EXOSC10: variants seen among roughly 807,000 people sequenced by gnomAD.
EXOSC10 encodes the protein exosome component 10.
EXOSC10 carries 94 observed loss-of-function variants against 126.6 expected under a neutral mutation model. The ratio of observed to expected loss-of-function variants is 0.74; its 90% CI spans 0.63 to 0.88. The LOEUF (loss-of-function observed/expected upper bound fraction) is 0.88, where lower values mean the gene tolerates loss of function less well. Ranked by LOEUF, EXOSC10 falls within the 40% of genes least tolerant of loss-of-function variation. The pLI is 0.00. For synonymous variants in EXOSC10, 395 were observed against 400.8 expected, an observed-to-expected ratio of 0.99 and a Z score of 0.17; for missense variants, 1,041 against 1,100.5, an observed-to-expected ratio of 0.95 and a Z score of 0.77.
Position 11,090,814 on chromosome 1 carries a change from C to T in EXOSC10, c.644-146G>A. ...TCCCCCAGGCTGAAGTGTGGTGGCA[C>T]AAGCACAGCTCACTGTAGCCTTGAC... On this transcript the variant is annotated intron_variant, in intron 5 of 24. Transcript: ENST00000376936. 12 of 818,426 alleles carry T rather than the reference C, an allele frequency of 1.5e-5. No homozygotes were observed. The South Asian group carries it at 2.1e-4, about 14-fold the overall frequency. 50.7% of individuals were successfully genotyped at this position (818,426 alleles called of 1,614,324 possible). A position where few individuals can be genotyped will look rare whatever the true frequency, so the allele number is the denominator to read the frequency against.
chr1:11,099,092 T>C (rs1469036127), intron 1 of EXOSC10, among the ~76,000 whole-genome samples: 1 of 152,242 alleles, frequency 6.6e-6, no homozygotes, highest in African/African-American at 2.4e-5. Flanking sequence ...TTTATAGGGT[T>C]AATTTACAAA....
At chr1:11,082,263 G>A (rs929071293) in intron 10 of EXOSC10, among the ~76,000 whole-genome samples, 6 of 151,820 alleles carry the variant, frequency 4.0e-5, no homozygotes, top group East Asian at 1.9e-4. Context: ...ACAAAAAAAC[G>A]CTCAGTGTAA....
rs1641064126 is a variant in EXOSC10, at chr1:11,096,007, A to G, written c.249-126T>C. 4.7e-6 allele frequency: 5 copies of G among 1,060,454 alleles called. No individual in the cohort carries two copies. The African/African-American group carries it at 6.5e-5, about 14-fold the overall frequency. 65.7% of individuals were successfully genotyped at this position (1,060,454 alleles called of 1,614,324 possible). ...ACACATCTTTTTTTTTTTTTTTGAG[A>G]CAGTCTTGCTCTGTTGCCCAGGCTG... On this transcript the variant is annotated intron_variant, in intron 2 of 24. Transcript: ENST00000376936.
chr1:11,086,942 T>C (rs1052109522), intron 9 of EXOSC10, among the ~76,000 whole-genome samples: 1 of 152,116 alleles, frequency 6.6e-6, no homozygotes, highest in African/African-American at 2.4e-5. Context: ...ATTCAAAAGC[T>C]AGCAGAAGGC....
Position 11,087,313 on chromosome 1 carries a change from A to T in EXOSC10, c.1089+135T>A, listed in dbSNP as rs946466990. 11 of 1,030,492 alleles carry T rather than the reference A, an allele frequency of 1.1e-5. No homozygotes were observed. The African/African-American group carries it at 1.8e-4, about 16-fold the overall frequency. 63.8% of individuals were successfully genotyped at this position (1,030,492 alleles called of 1,614,324 possible). On this transcript the variant is annotated intron_variant, in intron 9 of 24. Transcript: ENST00000376936. ...GATTTAGAAACAAAAGCCATTTAGC[A>T]CTGTACCCTAGTTAGGAAATGACAT...
intron 1 of EXOSC10, among the ~76,000 whole-genome samples, chr1:11,098,888 T>A (rs905253508): frequency 2.1e-4 from 32 of 152,190 alleles, no homozygotes; most frequent in African/African-American, 7.7e-4. Context: ...AATAAACATT[T>A]CCCAAGAAAA....
chr1:11,099,745 G>A lies in EXOSC10; in HGVS notation c.87C>T (p.Phe29=), dbSNP rs1269435304. 6.2e-7 allele frequency: 1 copy of A among 1,610,244 alleles called. No homozygotes were observed. The highest frequency in any genetic ancestry group is 2.3e-5 in the East Asian group (1 of 44,256). ...KSDGEMVLPG[F]PDADSFVKFA... is the part of the protein sequence containing the mutation. ...CCTTCACAAAGCTGTCGGCGTCCGGGAAGCCTGGCAGCACCATCTCTCCGT... is the reference window on the plus strand; with the variant it reads ...CCTTCACAAAGCTGTCGGCGTCCGGAAAGCCTGGCAGCACCATCTCTCCGT... Residue 29 remains phenylalanine, a synonymous_variant, in exon 1 of 25, where the codon TTC becomes TTT. Coordinates refer to ENST00000376936, the MANE Select transcript of EXOSC10 (RefSeq NM_001001998.3).
chr1:11,089,246 T>C (rs1194199736), intron 6 of EXOSC10, among the ~76,000 whole-genome samples: 1 of 135,284 alleles, frequency 7.4e-6, no homozygotes, highest in Non-Finnish European at 1.6e-5. Context: ...AAAAAAAAAG[T>C]GAGCCTTACC....
intron 19 of EXOSC10, chr1:11,072,939 T>C (rs1038780951): frequency 1.3e-5 from 2 of 152,336 alleles, no homozygotes; most frequent in Non-Finnish European, 2.9e-5. Context: ...CTCATAATGC[T>C]GGTAAAAACA....
chr1:11,078,345 C>T (rs1451782196), intron 14 of EXOSC10, among the ~76,000 whole-genome samples: 2 of 151,040 alleles, frequency 1.3e-5, no homozygotes, highest in African/African-American at 2.4e-5. Flanking sequence ...GCAAGCTCCG[C>T]CTCCCGGGTT....
At chr1:11,086,407 G>A (rs914849100) in intron 9 of EXOSC10, among the ~76,000 whole-genome samples, 24 of 152,114 alleles carry the variant, frequency 1.6e-4, no homozygotes, top group South Asian at 2.1e-4. Context: ...GTTTATTTGC[G>A]TAGAGGTGTT....
rs1639254116 is a variant in EXOSC10 at position 11,068,632 on chromosome 1, G to A, written c.2550+13C>T. 6.2e-7 allele frequency: 1 copy of A among 1,612,256 alleles called. No homozygotes were observed. The highest frequency in any genetic ancestry group is 1.1e-5 in the South Asian group (1 of 91,034). On this transcript the variant is annotated intron_variant, in intron 23 of 24. Coordinates refer to ENST00000376936, the MANE Select transcript of EXOSC10 (RefSeq NM_001001998.3). ...CCACCAGCGTGCTAAAATCCTCCAG[G>A]AGCAGTTCTTACCTTGCCAGACGGG...
intron 9 of EXOSC10, among the ~76,000 whole-genome samples, chr1:11,083,101 C>T (rs766825112): frequency 9.9e-5 from 15 of 152,184 alleles, no homozygotes; most frequent in Non-Finnish European, 1.8e-4. Context: ...CAGCGTGCCA[C>T]CACGCCCAGC....
Position 11,070,903 on chromosome 1 carries a change from G to C in EXOSC10, c.2313C>G (p.Val771=). 1 of 1,613,770 alleles carries C rather than the reference G, an allele frequency of 6.2e-7. No individual in the cohort carries two copies. Among genetic ancestry groups the C allele is most frequent in the Non-Finnish European group, 8.5e-7 (1 of 1,179,812 alleles). The change falls in exon 21 of 25, where the codon GTC becomes GTG. Residue 771 remains valine (V), a synonymous_variant. Transcript: ENST00000376936. ...AAGGAGAAAAGCTGGCACATACCAC[G>C]ACCTGCTGTCGGACGGAGATGGCCT... is the stretch of plus-strand genomic sequence containing the variant. ...AEQAISVRQQ[V]VLENAAKKRE... is the part of the protein sequence containing the mutation.
In EXOSC10 at chr1:11,067,916, C is replaced by T; in HGVS notation, c.2627+92G>A. The T allele has an allele frequency of 3.6e-6, 4 of 1,107,004 alleles. No homozygotes were observed. The South Asian group carries it at 5.6e-5, about 15-fold the overall frequency. 68.6% of individuals were successfully genotyped at this position (1,107,004 alleles called of 1,614,324 possible). ...CATCCTGGTTGAAGACCCCTGGACA[C>T]TCGCTCCCCAGCTACTCCCCACGGA... On this transcript the variant is annotated intron_variant, in intron 24 of 24. Transcript: ENST00000376936.
intron 3 of EXOSC10, among the ~76,000 whole-genome samples, chr1:11,095,233 G>C (rs933166423): frequency 7.0e-6 from 1 of 143,564 alleles, no homozygotes; most frequent in African/African-American, 2.6e-5. Flanking sequence ...AAAAAAAGAA[G>C]CTTCCATGGG....
chr1:11,069,130 G>T (rs1024117177), intron 22 of EXOSC10, among the ~76,000 whole-genome samples: 1 of 152,120 alleles, frequency 6.6e-6, no homozygotes, highest in Non-Finnish European at 1.5e-5. Context: ...AGTCGAGAAT[G>T]CCATCTGTAG....
chr1:11,091,265 C>A, intron 4 of EXOSC10, 86 bp from the exon 5 acceptor site: 1 of 1,315,290 alleles, frequency 7.6e-7, no homozygotes, highest in Admixed American at 2.0e-5. Context: ...TCTGAGGAGA[C>A]AAGAACATCG....
chr1:11,070,770 A>C (rs1434696642), intron 21 of EXOSC10, 130 bp downstream of exon 21: 3 of 764,476 alleles, frequency 3.9e-6, no homozygotes, highest in Non-Finnish European at 6.5e-6. Context: ...AGCCAAGCTA[A>C]GGTGAACCGG....
Sources: allele counts gnomAD v4.1 joint callset (sites outside exome capture counted in the v4.1 genomes callset), GRCh38; gene constraint gnomAD v4.1.1; transcripts MANE v1.5; gene names NCBI Gene and HGNC (gene_info 2026-07-23, HGNC 2026-07-21).